Variants in KDM5C observed in about 807,000 individuals in gnomAD.
The protein encoded by KDM5C is lysine-specific demethylase 5C.
KDM5C carries 16 observed loss-of-function variants against 110.6 expected under a neutral mutation model. The ratio of observed to expected loss-of-function variants is 0.14; its 90% CI spans 0.10 to 0.22. The LOEUF is 0.22. Ranked by LOEUF, KDM5C falls within the 10% of genes least tolerant of loss-of-function variation. KDM5C has a pLI of 1.00. For missense variants in KDM5C, 681 were observed against 1,300.9 expected (o/e 0.52, Z 7.33); for synonymous variants, 511 against 520.4 (o/e 0.98, Z 0.24).
At position 53,193,130 on chromosome X, in the gene KDM5C, G is replaced by A. The variant is rs1934545629; in HGVS notation, c.4520C>T (p.Pro1507Leu). 4 of 1,207,563 alleles carry A rather than the reference G, an allele frequency of 3.3e-6. No individual in the cohort carries two copies. The highest frequency in any genetic ancestry group is 4.5e-6 in the Non-Finnish European group (4 of 894,321). Residue 1507 changes from proline (P) to leucine (L), a missense_variant, in exon 26 of 26, where the codon CCC becomes CTC. Physicochemically the swap from Pro to Leu is moderately conservative, Grantham distance 98. Coordinates refer to ENST00000375401, the MANE Select transcript of KDM5C (RefSeq NM_004187.5). ...GCCAGTGGTGGGGATGGGTGCAGGG[G>A]GGCCCTCACCCCCAGTCTCCTCCTC... ...ELEEETGGEG[P>L]PAPIPTTGSP...
At chrX:53,214,525 G>T in intron 8 of KDM5C, 164 bp downstream of exon 8, 1 of 536,966 alleles carries the variant, frequency 1.9e-6, no homozygotes, top group Non-Finnish European at 3.1e-6. Flanking sequence ...AGAAGCAAAG[G>T]CTGAATCTCC....
chrX:53,189,918 G>T (rs781897742), downstream of KDM5C, among the ~76,000 whole-genome samples: 4 of 112,447 alleles, frequency 3.6e-5, no homozygotes, highest in African/African-American at 1.3e-4. Context: ...GGTTCAGTTG[G>T]GCCTGAAGGG....
At chrX:53,189,829 G>C (rs1340092411), downstream of KDM5C, among the ~76,000 whole-genome samples, 1 of 112,578 alleles carries the variant, frequency 8.9e-6, no homozygotes, top group Non-Finnish European at 1.9e-5. Flanking sequence ...GGTGGGAGGA[G>C]AGACAGACCT....
chrX:53,199,959 C>T (rs934529858), intron 14 of KDM5C, among the ~76,000 whole-genome samples: 21 of 111,348 alleles, frequency 1.9e-4, no homozygotes, highest in South Asian at 1.9e-3. Flanking sequence ...GCTGTGTGAT[C>T]ATGAGTAAAT....
In KDM5C at chrX:53,196,017, G is replaced by A. The variant is rs781854324; in HGVS notation, c.3019C>T (p.Arg1007Cys). The A allele has an allele frequency of 8.7e-5, 105 of 1,210,749 alleles. No homozygotes were observed. The highest frequency in any genetic ancestry group is 1.1e-4 in the Non-Finnish European group (102 of 895,199). Residue 1007 changes from arginine (R) to cysteine (C), a missense_variant, in exon 20 of 26, where the codon CGT (arginine) becomes TGT (cysteine). Physicochemically the swap from Arg to Cys is radical, Grantham distance 180 (BLOSUM62 -3). Around this residue, in one of 14 missense-constraint regions of KDM5C, gnomAD observed 66 missense variants for 162.9 expected, o/e 0.41. Transcript: ENST00000375401. ...HPPATLEAII[R>C]EAENIPVHLP... ...TGAACAGGGATGTTTTCCGCTTCACGGATTATGGCCTCAAGTGTGGCTGGT... is the reference window on the plus strand; with the variant it reads ...TGAACAGGGATGTTTTCCGCTTCACAGATTATGGCCTCAAGTGTGGCTGGT...
chrX:53,189,837 C>A (rs1556829463), downstream of KDM5C, among the ~76,000 whole-genome samples: 2 of 112,228 alleles, frequency 1.8e-5, no homozygotes, highest in African/African-American at 6.5e-5. Context: ...GAGAGACAGA[C>A]CTATTAATCT....
chrX:53,201,270 G>A lies in KDM5C; in HGVS notation c.2061+280C>T, dbSNP rs1284110859. 3 of 367,480 alleles carry A rather than the reference G, an allele frequency of 8.2e-6. 1 individual carries two copies. The highest frequency in any genetic ancestry group is 1.4e-5 in the Non-Finnish European group (3 of 207,034). The allele number at this position is 367,480 out of a possible 1,213,427, so 30.3% of individuals were successfully genotyped here. On this transcript the variant is annotated intron_variant, in intron 14 of 25. Coordinates refer to ENST00000375401, the MANE Select transcript of KDM5C (RefSeq NM_004187.5). ...GCTGCTATACCAGTACCTGCCATGG[G>A]TCAGTCACTAAGCAAACATTATCTT...
intron 8 of KDM5C, among the ~76,000 whole-genome samples, chrX:53,213,734 C>A (rs1556850241): frequency 9.0e-6 from 1 of 111,641 alleles, no homozygotes; most frequent in Non-Finnish European, 1.9e-5. Flanking sequence ...AAATATTATA[C>A]CCATGATACA....
At chrX:53,202,862 G>C (rs2073188651) in intron 12 of KDM5C, 1 of 107,529 alleles carries the variant, frequency 9.3e-6, no homozygotes, top group East Asian at 2.9e-4. Flanking sequence ...CTGCCGCCCA[G>C]GCTGGAGTGC....
intron 8 of KDM5C, 106 bp from the exon 9 acceptor site, chrX:53,212,012 T>C (rs1401238213): frequency 1.0e-6 from 1 of 1,000,566 alleles, no homozygotes; most frequent in Non-Finnish European, 1.4e-6. Flanking sequence ...GAGCCCTAGG[T>C]CTGCACTCAA....
intron 25 of KDM5C, among the ~76,000 whole-genome samples, chrX:53,182,115 G>A (rs1934082249): frequency 1.0e-5 from 1 of 98,228 alleles, no homozygotes; most frequent in African/African-American, 4.2e-5. Flanking sequence ...ATGGATTTTC[G>A]CTCTTGTTGC....
In KDM5C at chrX:53,196,942, G is replaced by A. The variant is rs951268570; in HGVS notation, c.2725C>T (p.Arg909Trp). 7.5e-6 allele frequency: 9 copies of A among 1,196,102 alleles called. No homozygotes were observed. Among genetic ancestry groups the A allele is most frequent in the Admixed American group, 4.5e-5 (2 of 44,271 alleles). The change falls in exon 19 of 26, where the codon CGG becomes TGG. Residue 909 changes from arginine (R) to tryptophan (W), a missense_variant. Arg to Trp is a moderately radical substitution (Grantham distance 101). Coordinates refer to ENST00000375401, the MANE Select transcript of KDM5C (RefSeq NM_004187.5). ...TCAGGCACCTCCACCCCCAGCTGCCGCCCCCTCTCCAACAGGGACTGCAGT... is the reference window on the plus strand; with the variant it reads ...TCAGGCACCTCCACCCCCAGCTGCCACCCCCTCTCCAACAGGGACTGCAGT... ...GLLQSLLERG[R>W]QLGVEVPEAQ...
At chrX:53,215,245 T>C (rs1675363641) in intron 7 of KDM5C, 2 of 350,024 alleles carry the variant, frequency 5.7e-6, no homozygotes, top group Non-Finnish European at 1.1e-5. Flanking sequence ...TAAGGAGGGA[T>C]GGCCTTGAGA....
chrX:53,204,690 G>A (rs1049762264), intron 12 of KDM5C, among the ~76,000 whole-genome samples: 1 of 111,349 alleles, frequency 9.0e-6, no homozygotes, highest in Non-Finnish European at 1.9e-5. Context: ...TAGAGACGGG[G>A]TTTCACTGTG....
At chrX:53,181,419 C>G (rs942839864) in intron 25 of KDM5C, among the ~76,000 whole-genome samples, 20 of 110,729 alleles carry the variant, frequency 1.8e-4, no homozygotes, top group Non-Finnish European at 3.0e-4. Flanking sequence ...GCAGCAGAAG[C>G]AGCCCTTCTT....
chrX:53,180,761 C>T (rs1396906798), intron 25 of KDM5C, among the ~76,000 whole-genome samples: 3 of 77,599 alleles, frequency 3.9e-5, no homozygotes, highest in Non-Finnish European at 7.0e-5. Context: ...TGGAGTCTCA[C>T]TGTCGCCCAG....
chrX:53,216,322 A>G, intron 5 of KDM5C, 125 bp from the exon 6 acceptor site: 1 of 1,007,453 alleles, frequency 9.9e-7, no homozygotes, highest in South Asian at 2.0e-5. Context: ...CAGATGGGCT[A>G]AGCCAAGAAC....
At chrX:53,187,321 G>C (rs1167614515), downstream of KDM5C, among the ~76,000 whole-genome samples, 1 of 111,809 alleles carries the variant, frequency 8.9e-6, no homozygotes, top group Non-Finnish European at 1.9e-5. Context: ...GCAAACTGGG[G>C]AAACAGTTCA....
chrX:53,206,110 C>T (rs2073320139), intron 12 of KDM5C, among the ~76,000 whole-genome samples: 1 of 112,310 alleles, frequency 8.9e-6, no homozygotes, highest in Non-Finnish European at 1.9e-5. Flanking sequence ...AAAAACAACT[C>T]AAAAGGTTCA....
Sources: gnomAD v4.1 joint callset for allele counts (sites outside exome capture counted in the v4.1 genomes callset) on GRCh38, gnomAD v4.1.1 for gene constraint, gnomAD v4.1.1 regional missense constraint, MANE v1.5 for transcripts, NCBI Gene and HGNC (gene_info 2026-07-23, HGNC 2026-07-21) for gene names.